Variants in ZEB1 observed in about 807,000 individuals in gnomAD.
ZEB1 encodes the protein zinc finger E-box-binding homeobox 1.
Under a neutral mutation model 84.9 loss-of-function variants are expected in ZEB1, and 21 were observed. That is an observed-to-expected ratio of 0.25 (90% CI 0.18 to 0.36). The LOEUF is 0.36. ZEB1 is among the 10% of genes least tolerant of loss of function. The pLI is 1.00. For synonymous variants in ZEB1, 420 were observed against 471.1 expected (o/e 0.89, Z 1.41); for missense variants, 1,104 against 1,330.2 (o/e 0.83, Z 2.65).
chr10:31,429,917 T>A (rs1454225940), intron 1 of ZEB1, among the ~76,000 whole-genome samples: 2 of 151,842 alleles, frequency 1.3e-5, no homozygotes, highest in Admixed American at 6.6e-5. Context: ...ATTTTTGTAT[T>A]TCTAGCAGAG....
chr10:31,430,032 C>T (rs973659363), intron 1 of ZEB1, among the ~76,000 whole-genome samples: 10 of 152,082 alleles, frequency 6.6e-5, no homozygotes, highest in Admixed American at 2.0e-4. Flanking sequence ...TGAGCCACCA[C>T]GCCCAGCCAT....
intron 1 of ZEB1, among the ~76,000 whole-genome samples, chr10:31,449,423 A>G (rs1318713383): frequency 6.6e-6 from 1 of 152,174 alleles, no homozygotes; most frequent in Non-Finnish European, 1.5e-5. Context: ...CTATTCGGCC[A>G]TCTTGGCTCC....
intron 1 of ZEB1, among the ~76,000 whole-genome samples, chr10:31,343,460 C>A (rs1424696810): frequency 6.6e-6 from 1 of 152,060 alleles, no homozygotes; most frequent in African/African-American, 2.4e-5. Flanking sequence ...CATTATTTAT[C>A]ATACACATTT....
chr10:31,442,939 A>C (rs940412782), intron 1 of ZEB1, among the ~76,000 whole-genome samples: 11 of 152,168 alleles, frequency 7.2e-5, no homozygotes, highest in African/African-American at 2.7e-4. Flanking sequence ...AATTAGAGAC[A>C]CATGTAGGCA....
chr10:31,382,678 C>G (rs1047650462), intron 1 of ZEB1, among the ~76,000 whole-genome samples: 2 of 151,756 alleles, frequency 1.3e-5, no homozygotes, highest in Non-Finnish European at 2.9e-5. Context: ...GTAGAACTCA[C>G]CCAGAAGATA....
At chr10:31,424,891 C>T (rs1236505968) in intron 1 of ZEB1, among the ~76,000 whole-genome samples, 2 of 151,896 alleles carry the variant, frequency 1.3e-5, no homozygotes, top group Non-Finnish European at 1.5e-5. Context: ...ATAAGAATAA[C>T]CTTGGTACAG....
intron 2 of ZEB1, among the ~76,000 whole-genome samples, chr10:31,474,087 A>G (rs1218562652): frequency 6.6e-5 from 10 of 152,168 alleles, no homozygotes; most frequent in African/African-American, 9.7e-5. Context: ...TTAAATGTTA[A>G]ACCTAAAACC....
chr10:31,322,339 A>G (rs1040116703), intron 1 of ZEB1, among the ~76,000 whole-genome samples: 1 of 152,240 alleles, frequency 6.6e-6, no homozygotes, highest in African/African-American at 2.4e-5. Flanking sequence ...TTAACTCTCA[A>G]ATCTTTTTAA....
rs188443065 is a variant in ZEB1, at chr10:31,377,632, A to G, written c.58+58340A>G. On this transcript the variant is annotated intron_variant, in intron 1 of 8. Transcript: ENST00000424869. ...CATGTACTATTTCAAGGCTTCTCAG[A>G]TATTCCCACATAAATTATCTAGTGT... Among the ~76,000 whole-genome samples the G allele has an allele frequency of 3.2e-3, 492 of 151,914 alleles. 2 individuals carry two copies. The highest frequency in any genetic ancestry group is 0.011 in the African/African-American group (461 of 41,536).
intron 1 of ZEB1, chr10:31,321,115 C>T (rs891211367): frequency 2.0e-6 from 2 of 1,016,410 alleles, no homozygotes; most frequent in Non-Finnish European, 2.4e-6. Flanking sequence ...CCCAGCCCCA[C>T]CCCCCGCGCC....
chr10:31,320,037 C>G (rs867847502), intron 1 of ZEB1: 2 of 151,414 alleles, frequency 1.3e-5, no homozygotes, highest in Admixed American at 1.3e-4. Flanking sequence ...GGCGCGCTCG[C>G]GTAACGGGGA....
intron 1 of ZEB1, among the ~76,000 whole-genome samples, chr10:31,452,652 A>G (rs1456051175): frequency 6.6e-6 from 1 of 151,538 alleles, no homozygotes; most frequent in Non-Finnish European, 1.5e-5. Context: ...AAATAATTCT[A>G]TACCTACTAT....
intron 6 of ZEB1, among the ~76,000 whole-genome samples, chr10:31,516,539 TAAAAAAAAAAAAAAA>T (rs71027029): frequency 6.5e-4 from 22 of 34,070 alleles, no homozygotes; most frequent in South Asian, 2.5e-3. Context: ...TGTCTGTAAG[TAAAAAAAAAAAAAAA>T]AAAAAAAAAA....
intron 1 of ZEB1, among the ~76,000 whole-genome samples, chr10:31,359,010 C>A (rs1278867491): frequency 6.6e-6 from 1 of 152,088 alleles, no homozygotes; most frequent in Non-Finnish European, 1.5e-5. Flanking sequence ...TTGTGTAGAA[C>A]TGGTCTTCTT....
At position 31,461,096 on chromosome 10, in the gene ZEB1, C is replaced by A. The variant is rs369331715; in HGVS notation, c.118C>A (p.His40Asn). 3.5e-5 allele frequency: 57 copies of A among 1,613,314 alleles called. No individual in the cohort carries two copies. Among genetic ancestry groups the A allele is most frequent in the Non-Finnish European group, 4.5e-5 (53 of 1,179,674 alleles). ...NSDSDDEDKLHIVEEESVTDA... is the reference protein window; with the variant it reads ...NSDSDDEDKLNIVEEESVTDA... Reference sequence around the variant, plus strand: ...AGATTCAGATGATGAAGACAAACTGCATATTGTGGAAGAAGAAAGTGTTAC... The same window carrying A: ...AGATTCAGATGATGAAGACAAACTGAATATTGTGGAAGAAGAAAGTGTTAC... Residue 40 changes from histidine (H) to asparagine (N), a missense_variant, in exon 2 of 9, where the codon CAT (histidine) becomes AAT (asparagine). Transcript: ENST00000424869.
chr10:31,345,214 G>C lies in ZEB1; in HGVS notation c.58+25922G>C, dbSNP rs544524008. On this transcript the variant is annotated intron_variant, in intron 1 of 8. Transcript: ENST00000424869. ...TTGTTGACTAGTCTTTTCATTTATA[G>C]TGCTCTTAAATCACTCCATTTGTCA... 7.9e-5 allele frequency among the ~76,000 whole-genome samples: 12 copies of C among 152,018 alleles called. No individual in the cohort carries two copies. In the South Asian group the frequency reaches 2.1e-3, roughly 26 times the overall value.
chr10:31,373,344 G>A lies in ZEB1; in HGVS notation c.58+54052G>A, dbSNP rs562032412. 3.4e-4 allele frequency among the ~76,000 whole-genome samples: 52 copies of A among 151,626 alleles called. 1 individual carries two copies. The highest frequency in any genetic ancestry group is 5.8e-4 in the Non-Finnish European group (39 of 67,790). ...TTTAATAAAATATATGCAAAGAATGGTTTTATAGATAAGAGATTTTACATA... is the reference window on the plus strand; with the variant it reads ...TTTAATAAAATATATGCAAAGAATGATTTTATAGATAAGAGATTTTACATA... On this transcript the variant is annotated intron_variant, in intron 1 of 8. Transcript: ENST00000424869.
At chr10:31,377,190 A>G (rs909335570) in intron 1 of ZEB1, among the ~76,000 whole-genome samples, 11 of 151,326 alleles carry the variant, frequency 7.3e-5, no homozygotes, top group African/African-American at 2.4e-4. Flanking sequence ...CATGACCACA[A>G]TTAGTTCTAA....
intron 1 of ZEB1, among the ~76,000 whole-genome samples, chr10:31,440,230 A>C (rs1175875621): frequency 6.6e-6 from 1 of 152,132 alleles, no homozygotes; most frequent in South Asian, 2.1e-4. Flanking sequence ...AGACTGAGAG[A>C]CCAGGAATTG....
Sources: gnomAD v4.1 joint callset for allele counts (sites outside exome capture counted in the v4.1 genomes callset) on GRCh38, gnomAD v4.1.1 for gene constraint, MANE v1.5 for transcripts, NCBI Gene and HGNC (gene_info 2026-07-23, HGNC 2026-07-21) for gene names.